The following HEMK2 variants were observed in gnomAD, a reference collection of about 807,000 sequenced individuals.
HEMK2 encodes HemK methyltransferase 2, ETF1 glutamine and histone H4 lysine, also known as methyltransferase HEMK2.
the HEMK2 span, among the ~76,000 whole-genome samples, chr21:28,831,472 AAAGAAAGAAAGAAAGAAAGAAAGAAAG>A: frequency 1.6e-4 from 6 of 37,922 alleles, no homozygotes; most frequent in African/African-American, 7.7e-4. Flanking sequence ...CGAAAGAAAG[AAAGAAAGAAAGAAAGAAAGAAAGAAAG>A]AAAGAAAGAA....
chr21:28,663,957 C>T, the HEMK2 span, among the ~76,000 whole-genome samples: 6 of 152,074 alleles, frequency 3.9e-5, no homozygotes, highest in African/African-American at 1.4e-4. Flanking sequence ...AGACTAACAC[C>T]GATGTATATA....
the HEMK2 span, among the ~76,000 whole-genome samples, chr21:28,806,109 C>T: frequency 0.33 from 49,827 of 151,914 alleles, 8,451 homozygotes; most frequent in East Asian, 0.57. Context: ...GGTAAAGTAC[C>T]GTATTCATGG....
At chr21:28,831,603 G>T in the HEMK2 span, among the ~76,000 whole-genome samples, 12 of 87,284 alleles carry the variant, frequency 1.4e-4, 1 homozygote, top group African/African-American at 8.3e-4. Flanking sequence ...AAGAAGGAAA[G>T]AAGGAAAGAA....
At chr21:28,783,065 AT>A in the HEMK2 span, among the ~76,000 whole-genome samples, 1 of 152,138 alleles carries the variant, frequency 6.6e-6, no homozygotes, top group Non-Finnish European at 1.5e-5. Context: ...AGTATTTTGG[AT>A]TTTGGATTTT....
the HEMK2 span, among the ~76,000 whole-genome samples, chr21:28,782,541 G>A: frequency 6.6e-6 from 1 of 152,036 alleles, no homozygotes; most frequent in Admixed American, 6.6e-5. Flanking sequence ...ACTTCTTCAT[G>A]TCATAAAAGG....
chr21:28,869,031 G>C, the HEMK2 span, among the ~76,000 whole-genome samples: 5 of 151,796 alleles, frequency 3.3e-5, no homozygotes, highest in African/African-American at 1.2e-4. Flanking sequence ...TGTTGAATAG[G>C]AGTGGTAATA....
chr21:28,609,329 GCCCAC>G, the HEMK2 span, among the ~76,000 whole-genome samples: 1 of 152,082 alleles, frequency 6.6e-6, no homozygotes, highest in Non-Finnish European at 1.5e-5. Context: ...TTCTCAGGAA[GCCCAC>G]CCCTAGGGGA....
chr21:28,610,022 C>A, the HEMK2 span, among the ~76,000 whole-genome samples: 15 of 152,242 alleles, frequency 9.9e-5, no homozygotes, highest in Admixed American at 5.2e-4. Flanking sequence ...GCCTTACTGG[C>A]GATCTAGACA....
At chr21:28,639,762 T>C in the HEMK2 span, among the ~76,000 whole-genome samples, 1 of 152,230 alleles carries the variant, frequency 6.6e-6, no homozygotes, top group Admixed American at 6.5e-5. Context: ...CAATATTCTG[T>C]GGTTCAGACG....
the HEMK2 span, among the ~76,000 whole-genome samples, chr21:28,686,187 A>C: frequency 1.3e-5 from 2 of 152,060 alleles, no homozygotes; most frequent in Non-Finnish European, 2.9e-5. Flanking sequence ...CCCACACCTC[A>C]CCATTAGGTT....
At chr21:28,837,297 T>C in the HEMK2 span, among the ~76,000 whole-genome samples, 1 of 152,116 alleles carries the variant, frequency 6.6e-6, no homozygotes, top group African/African-American at 2.4e-5. Context: ...TAATAGGTCA[T>C]AAAATGAGCC....
chr21:28,623,171 C>A, the HEMK2 span, among the ~76,000 whole-genome samples: 2 of 151,894 alleles, frequency 1.3e-5, no homozygotes, highest in South Asian at 2.1e-4. Context: ...CAAAAGTGGG[C>A]GAGGACATGA....
the HEMK2 span, among the ~76,000 whole-genome samples, chr21:28,686,762 T>C: frequency 6.6e-6 from 1 of 152,194 alleles, no homozygotes; most frequent in Non-Finnish European, 1.5e-5. Context: ...CAGTCAGAAA[T>C]TCTCCTAAGT....
At chr21:28,855,639 T>C in the HEMK2 span, among the ~76,000 whole-genome samples, 6 of 151,986 alleles carry the variant, frequency 3.9e-5, no homozygotes, top group African/African-American at 1.2e-4. Flanking sequence ...ATTCAAAAAA[T>C]GGAAAATAAA....
the HEMK2 span, among the ~76,000 whole-genome samples, chr21:28,759,732 A>C: frequency 8.1e-4 from 124 of 152,200 alleles, no homozygotes; most frequent in Admixed American, 1.4e-3. Context: ...ATGAGATCTG[A>C]TGGTTTTGTA....
the HEMK2 span, among the ~76,000 whole-genome samples, chr21:28,632,682 G>C: frequency 6.6e-6 from 1 of 152,184 alleles, no homozygotes; most frequent in South Asian, 2.1e-4. Flanking sequence ...ATAACTTTTG[G>C]CTTACAGGGG....
At chr21:28,805,294 A>C in the HEMK2 span, among the ~76,000 whole-genome samples, 2 of 152,128 alleles carry the variant, frequency 1.3e-5, no homozygotes, top group African/African-American at 4.8e-5. Context: ...CTAGCTTCTC[A>C]CTGCCTGTTT....
the HEMK2 span, among the ~76,000 whole-genome samples, chr21:28,653,996 CTG>C: frequency 6.6e-6 from 1 of 152,260 alleles, no homozygotes; most frequent in African/African-American, 2.4e-5. Context: ...TATATGCAAA[CTG>C]TGTTTACCAA....
chr21:28,720,903 T>C, the HEMK2 span, among the ~76,000 whole-genome samples: 1 of 152,178 alleles, frequency 6.6e-6, no homozygotes, highest in African/African-American at 2.4e-5. Context: ...GCTATGTATA[T>C]AGTATTAGTA....
Sources: allele counts gnomAD v4.1 joint callset (sites outside exome capture counted in the v4.1 genomes callset), GRCh38; gene constraint gnomAD v4.1.1; transcripts MANE v1.5; gene names NCBI Gene and HGNC (gene_info 2026-07-23, HGNC 2026-07-21).